The following PCDHGA2 variants were observed in gnomAD, a reference collection of about 807,000 sequenced individuals.
PCDHGA2 encodes the protein protocadherin gamma subfamily A, 2.
In PCDHGA2, 40 loss-of-function variants were observed where a neutral mutation model predicts 59.2. The observed-to-expected ratio is 0.68, with a 90% CI of 0.52 to 0.88. The LOEUF (loss-of-function observed/expected upper bound fraction) is 0.88. Among genes scored for constraint, PCDHGA2 ranks in the 40% least tolerant of loss-of-function variants. The pLI is 0.00. For missense variants in PCDHGA2, 1,226 were observed against 1,204.0 expected (o/e 1.02, Z -0.27); for synonymous variants, 560 against 526.0 (o/e 1.06, Z -0.89).
chr5:141,417,792 T>C, intron 1 of PCDHGA2: 1 of 1,483,216 alleles, frequency 6.7e-7, no homozygotes, highest in South Asian at 1.4e-5. Flanking sequence ...CCGAATGCTC[T>C]TTTAGCGCGG....
intron 1 of PCDHGA2, chr5:141,361,239 G>T: frequency 6.2e-7 from 1 of 1,613,958 alleles, no homozygotes; most frequent in Non-Finnish European, 8.5e-7. Context: ...TGATCGCCTT[G>T]ATAAAAACGA....
In PCDHGA2 at chr5:141,450,032, G is replaced by A. The variant is rs146567243; in HGVS notation, c.2425-44775G>A. Among the ~76,000 whole-genome samples the A allele has an allele frequency of 4.6e-3, 607 of 131,666 alleles. 4 individuals are homozygous for A. The highest frequency in any genetic ancestry group is 0.017 in the African/African-American group (550 of 33,158). The allele number at this position is 131,666 out of a possible 152,430, so 86.4% of individuals were successfully genotyped here. A position where few individuals can be genotyped will look rare whatever the true frequency, so the allele number is the denominator to read the frequency against. On this transcript the variant is annotated intron_variant, in intron 1 of 3. Transcript: ENST00000394576. ...TTTTTTTTTTTTTTTTTTGAGACAG[G>A]GTCTCACTCTTTCGCCCAGGCTGGA... is the stretch of plus-strand genomic sequence containing the variant.
At chr5:141,404,488 T>C (rs3749770) in intron 1 of PCDHGA2, 387,354 of 1,612,960 alleles carry the variant, frequency 0.24, 50,449 homozygotes, top group African/African-American at 0.51. Flanking sequence ...CAGACACTGG[T>C]GTGCTGTATG....
intron 1 of PCDHGA2, chr5:141,409,175 G>A: frequency 5.0e-6 from 8 of 1,614,008 alleles, no homozygotes; most frequent in Non-Finnish European, 6.8e-6. Flanking sequence ...GAAGGACGGA[G>A]GTGGTCTCTC....
At chr5:141,355,093 G>C in intron 1 of PCDHGA2, 1 of 1,483,692 alleles carries the variant, frequency 6.7e-7, no homozygotes. Flanking sequence ...GAAGCCCTGA[G>C]AGCTCTGGCT....
intron 1 of PCDHGA2, chr5:141,377,576 A>G (rs1241799520): frequency 1.3e-5 from 2 of 151,642 alleles, no homozygotes; most frequent in African/African-American, 2.4e-5. Context: ...AGCCTGGGAG[A>G]CAGAATGAGA....
intron 1 of PCDHGA2, chr5:141,344,369 T>A: frequency 6.2e-7 from 1 of 1,613,586 alleles, no homozygotes; most frequent in Non-Finnish European, 8.5e-7. Flanking sequence ...TGGTTGAGGA[T>A]AAATTGAAAA....
chr5:141,450,568 C>A (rs2098685790), intron 1 of PCDHGA2, among the ~76,000 whole-genome samples: 1 of 152,002 alleles, frequency 6.6e-6, no homozygotes. Flanking sequence ...CTCACTGCAA[C>A]TTCTGCCTCC....
intron 1 of PCDHGA2, among the ~76,000 whole-genome samples, chr5:141,463,128 A>G (rs914895217): frequency 1.5e-4 from 23 of 152,190 alleles, no homozygotes; most frequent in Admixed American, 1.4e-3. Context: ...GCTCCCTGGC[A>G]GTTCTTCGCC....
chr5:141,450,900 C>T (rs907024071), intron 1 of PCDHGA2, among the ~76,000 whole-genome samples: 9 of 151,048 alleles, frequency 6.0e-5, no homozygotes, highest in Non-Finnish European at 1.2e-4. Flanking sequence ...TATCGGCTCA[C>T]TGCAACCGCT....
chr5:141,399,165 T>C (rs1423083245), intron 1 of PCDHGA2: 1 of 1,613,774 alleles, frequency 6.2e-7, no homozygotes, highest in South Asian at 1.1e-5. Context: ...TTACATTCCA[T>C]TCTCTACTTG....
At chr5:141,413,035 C>A (rs1481573261) in intron 1 of PCDHGA2, 2 of 800,134 alleles carry the variant, frequency 2.5e-6, no homozygotes, top group African/African-American at 1.7e-5. Context: ...AAACCGGCTG[C>A]TGGGCTGCAG....
intron 1 of PCDHGA2, chr5:141,392,917 T>C: frequency 2.5e-6 from 4 of 1,613,922 alleles, no homozygotes; most frequent in Non-Finnish European, 3.4e-6. Context: ...CGCTACTCTG[T>C]GCCAGAAGAG....
intron 1 of PCDHGA2, chr5:141,376,624 A>C (rs1350295838): frequency 7.4e-6 from 10 of 1,343,058 alleles, no homozygotes; most frequent in Non-Finnish European, 9.1e-6. Context: ...TTGGTACAGG[A>C]AGATTCGTGA....
At chr5:141,502,118 G>A (rs897244225) in intron 2 of PCDHGA2, among the ~76,000 whole-genome samples, 3 of 152,108 alleles carry the variant, frequency 2.0e-5, no homozygotes, top group African/African-American at 7.2e-5. Context: ...CCTCAGCCAG[G>A]CCCACAGAGC....
chr5:141,384,485 A>G (rs1410076707), intron 1 of PCDHGA2: 1 of 1,614,130 alleles, frequency 6.2e-7, no homozygotes, highest in Non-Finnish European at 8.5e-7. Context: ...AGAGAACTAC[A>G]ACTAAGAGTG....
chr5:141,369,622 A>C (rs904281390), intron 1 of PCDHGA2, among the ~76,000 whole-genome samples: 3 of 152,224 alleles, frequency 2.0e-5, no homozygotes, highest in African/African-American at 7.2e-5. Flanking sequence ...TCATTTCCTC[A>C]TTACCTTTAA....
chr5:141,434,938 A>G (rs938787407), intron 1 of PCDHGA2, among the ~76,000 whole-genome samples: 2 of 151,738 alleles, frequency 1.3e-5, no homozygotes, highest in Admixed American at 1.3e-4. Flanking sequence ...TATATAATAG[A>G]TATAATTTAT....
At chr5:141,350,024 A>T (rs943589040) in intron 1 of PCDHGA2, 1 of 371,568 alleles carries the variant, frequency 2.7e-6, no homozygotes, top group Non-Finnish European at 4.8e-6. Context: ...CAGTTTTCCA[A>T]GACAACCTCT....
Sources: allele counts gnomAD v4.1 joint callset (sites outside exome capture counted in the v4.1 genomes callset), GRCh38; gene constraint gnomAD v4.1.1; transcripts MANE v1.5; gene names NCBI Gene and HGNC (gene_info 2026-07-23, HGNC 2026-07-21).